The following BPTF variants were observed in gnomAD, a reference collection of about 807,000 sequenced individuals.
BPTF encodes the protein bromodomain PHD finger transcription factor.
A neutral mutation model predicts 292.5 loss-of-function variants in BPTF; 18 were observed. The observed-to-expected ratio is 0.06, with a 90% CI of 0.04 to 0.09. BPTF has a LOEUF of 0.09. Ranked by LOEUF, BPTF falls within the 10% of genes least tolerant of loss-of-function variation. BPTF has a pLI of 1.00. For synonymous variants in BPTF, 1,225 were observed against 1,251.9 expected (o/e 0.98, Z 0.45); for missense variants, 2,726 against 3,498.7 (o/e 0.78, Z 5.57).
chr17:67,963,254 A>C, intron 24 of BPTF: 2 of 1,386,168 alleles, frequency 1.4e-6, no homozygotes, highest in Non-Finnish European at 1.9e-6. Flanking sequence ...AAAGTGAATC[A>C]AGGCAGGGAA....
chr17:67,855,050 C>A (rs1163926835), intron 2 of BPTF, among the ~76,000 whole-genome samples: 5 of 152,162 alleles, frequency 3.3e-5, no homozygotes, highest in African/African-American at 1.2e-4. Context: ...CCTGTAATCC[C>A]AGCACTTTGG....
Position 67,853,968 on chromosome 17 carries a change from T to G in BPTF, c.642T>G (p.Pro214=). The part of the protein sequence containing the change: ...PGRRKPRVHR[P]RSPILEEKDI... ...GGCGAAAACCAAGAGTACATCGGCC[T>G]CGTTCTCCTATATTGGAAGAAAAAG... The change falls in exon 2 of 28, where the codon CCT becomes CCG. Residue 214 remains proline (P), a synonymous_variant. Transcript: ENST00000306378. The G allele has an allele frequency of 6.2e-7, 1 of 1,613,078 alleles. No homozygotes were observed. Among genetic ancestry groups the G allele is most frequent in the Non-Finnish European group, 8.5e-7 (1 of 1,179,048 alleles).
At chr17:67,869,066 T>A (rs1178114714) in intron 3 of BPTF, among the ~76,000 whole-genome samples, 1 of 152,154 alleles carries the variant, frequency 6.6e-6, no homozygotes, top group African/African-American at 2.4e-5. Context: ...TCTCCCCCCA[T>A]ATAGATCAAA....
In BPTF at chr17:67,959,807, T is replaced by C; in HGVS notation, c.8193T>C (p.Thr2731=). The C allele has an allele frequency of 6.2e-7, 1 of 1,614,064 alleles. No homozygotes were observed. The highest frequency in any genetic ancestry group is 8.5e-7 in the Non-Finnish European group (1 of 1,180,004). Residue 2731 remains threonine, a synonymous_variant, in exon 24 of 28, where the codon ACT becomes ACC. Coordinates refer to ENST00000306378, the MANE Select transcript of BPTF (RefSeq NM_182641.4). ...CCAAGAAAAAGAAAATGATCTCTAC[T>C]ACCTCAAAGGAAACTAAGAAGGACA... ...SKSKKKKMIS[T]TSKETKKDTK... is the part of the protein sequence containing the mutation.
At chr17:67,835,744 T>C (rs927290111) in intron 1 of BPTF, among the ~76,000 whole-genome samples, 1 of 151,482 alleles carries the variant, frequency 6.6e-6, no homozygotes, top group Non-Finnish European at 1.5e-5. Context: ...CGGCTCACTG[T>C]GAGCTCTGCC....
intron 6 of BPTF, 135 bp downstream of exon 6, chr17:67,893,860 G>A (rs1400256078): frequency 8.0e-6 from 9 of 1,124,178 alleles, no homozygotes; most frequent in Non-Finnish European, 1.1e-5. Context: ...CAGGACATTA[G>A]AGGCATGAGT....
intron 5 of BPTF, among the ~76,000 whole-genome samples, chr17:67,892,478 G>A (rs1348641272): frequency 6.6e-6 from 1 of 152,202 alleles, no homozygotes. Context: ...ACTGTGGATA[G>A]GACAGCATGG....
At chr17:67,845,540 G>A (rs1341882992) in intron 1 of BPTF, among the ~76,000 whole-genome samples, 1 of 152,128 alleles carries the variant, frequency 6.6e-6, no homozygotes, top group African/African-American at 2.4e-5. Context: ...GGGGAGGCCC[G>A]AGGTGGGAGG....
intron 1 of BPTF, among the ~76,000 whole-genome samples, chr17:67,845,985 T>G (rs1376140739): frequency 6.6e-6 from 1 of 152,068 alleles, no homozygotes; most frequent in East Asian, 1.9e-4. Flanking sequence ...TAAAAGACAT[T>G]AAATGAGTTC....
intron 1 of BPTF, among the ~76,000 whole-genome samples, chr17:67,845,111 C>G (rs1006294017): frequency 6.6e-6 from 1 of 151,946 alleles, no homozygotes; most frequent in Non-Finnish European, 1.5e-5. Context: ...AAGTGCACGT[C>G]TCCTCCTCAG....
chr17:67,910,342 C>T (rs2062568385), intron 10 of BPTF, among the ~76,000 whole-genome samples: 1 of 152,018 alleles, frequency 6.6e-6, no homozygotes, highest in Non-Finnish European at 1.5e-5. Flanking sequence ...TTTTTTGTGG[C>T]CATGCGTTTT....
Position 67,946,102 on chromosome 17 carries a change from A to G in BPTF, c.7394A>G (p.Gln2465Arg). ...CAGGCTCAGCAAAGTGGTGTGCCCC[A>G]GCAAATCAAACTCCAGTTACCTATC... ...QIQAQQSGVP[Q>R]QIKLQLPIQI... Residue 2465 changes from glutamine (Q) to arginine (R), a missense_variant, in exon 21 of 28, where the codon CAG (glutamine) becomes CGG (arginine). Physicochemically the swap from Gln to Arg is conservative, Grantham distance 43. Coordinates refer to ENST00000306378, the MANE Select transcript of BPTF (RefSeq NM_182641.4). 7 of 1,614,158 alleles carry G rather than the reference A, an allele frequency of 4.3e-6. No homozygotes were observed. The highest frequency in any genetic ancestry group is 5.9e-6 in the Non-Finnish European group (7 of 1,180,020).
intron 13 of BPTF, among the ~76,000 whole-genome samples, chr17:67,922,469 G>C (rs1298930822): frequency 6.6e-6 from 1 of 152,186 alleles, no homozygotes; most frequent in Non-Finnish European, 1.5e-5. Flanking sequence ...TTGAATTCAT[G>C]TTGGGGTCCA....
intron 1 of BPTF, among the ~76,000 whole-genome samples, chr17:67,828,342 G>A (rs2056314371): frequency 1.3e-5 from 2 of 152,134 alleles, no homozygotes; most frequent in Admixed American, 1.3e-4. Context: ...ACCCCTGGAG[G>A]AAGTTTTTTC....
chr17:67,928,546 C>T lies in BPTF; in HGVS notation c.5943C>T (p.Asn1981=), dbSNP rs2147434470. 1 of 1,614,134 alleles carries T rather than the reference C, an allele frequency of 6.2e-7. No homozygotes were observed. The highest frequency in any genetic ancestry group is 8.5e-7 in the Non-Finnish European group (1 of 1,180,006). The stretch of plus-strand genomic sequence containing the variant: ...CAGCTACAGTAACATTCCAACAAAA[C>T]AAGAACTTTCATCAAACCTTTGCTA... The part of the protein sequence containing the change: ...GSPATVTFQQ[N]KNFHQTFATW... The change falls in exon 16 of 28, where the codon AAC becomes AAT. Residue 1981 remains asparagine, a synonymous_variant. Transcript: ENST00000306378.
At chr17:67,833,093 C>T (rs1402427137) in intron 1 of BPTF, among the ~76,000 whole-genome samples, 2 of 151,850 alleles carry the variant, frequency 1.3e-5, no homozygotes, top group African/African-American at 4.8e-5. Flanking sequence ...CACTGCGCCC[C>T]GCCTGATTTG....
chr17:67,843,196 A>G (rs971833585), intron 1 of BPTF, among the ~76,000 whole-genome samples: 8 of 127,108 alleles, frequency 6.3e-5, no homozygotes, highest in African/African-American at 2.0e-4. Flanking sequence ...ACATACATCT[A>G]CATACATGTA....
intron 18 of BPTF, chr17:67,936,777 G>A (rs2064950718): frequency 6.6e-6 from 1 of 152,016 alleles, no homozygotes; most frequent in Non-Finnish European, 1.5e-5. Context: ...TCTGTGCCAG[G>A]GTGTATGTGT....
intron 18 of BPTF, among the ~76,000 whole-genome samples, chr17:67,933,206 C>T (rs574230123): frequency 4.6e-5 from 7 of 150,884 alleles, no homozygotes; most frequent in Admixed American, 1.3e-4. Context: ...TGCAGTGAGC[C>T]GAGATTGTGC....
Sources: gnomAD v4.1 joint callset for allele counts (sites outside exome capture counted in the v4.1 genomes callset) on GRCh38, gnomAD v4.1.1 for gene constraint, MANE v1.5 for transcripts, NCBI Gene and HGNC (gene_info 2026-07-23, HGNC 2026-07-21) for gene names.